The following JAK1 variants were observed in gnomAD, a reference collection of about 807,000 sequenced individuals.
JAK1 encodes the protein Janus kinase 1.
In JAK1, 16 loss-of-function variants were observed where a neutral mutation model predicts 136.6. The observed-to-expected ratio is 0.12, with a 90% confidence interval of 0.08 to 0.18. The LOEUF is 0.18. Among genes scored for constraint, JAK1 ranks in the 10% least tolerant of loss-of-function variants. JAK1 has a pLI of 1.00. For missense variants in JAK1, 859 were observed against 1,450.1 expected, an observed-to-expected ratio of 0.59 and a Z score of 6.62; for synonymous variants, 492 against 519.5, an observed-to-expected ratio of 0.95 and a Z score of 0.72.
intron 1 of JAK1, among the ~76,000 whole-genome samples, chr1:65,065,960 C>T (rs914281256): frequency 6.6e-6 from 1 of 151,716 alleles, no homozygotes; most frequent in African/African-American, 2.4e-5. Context: ...AATCCCAAAA[C>T]ATCTGCAGAT....
At chr1:65,011,434 A>G (rs1437596996) in intron 2 of JAK1, among the ~76,000 whole-genome samples, 1 of 152,146 alleles carries the variant, frequency 6.6e-6, no homozygotes, top group Non-Finnish European at 1.5e-5. Context: ...TGGGTGGCAG[A>G]GCAACACCCT....
intron 2 of JAK1, among the ~76,000 whole-genome samples, chr1:65,013,636 T>C (rs186381947): frequency 3.2e-4 from 48 of 152,300 alleles, no homozygotes; most frequent in Non-Finnish European, 5.3e-4. Context: ...TTTGGTGCCA[T>C]ATTGATGACG....
intron 13 of JAK1, 141 bp from the exon 14 acceptor site, chr1:64,846,877 G>A: frequency 3.1e-6 from 2 of 647,366 alleles, no homozygotes; most frequent in Non-Finnish European, 5.5e-6. Flanking sequence ...CAATCCTCTG[G>A]CCTTGGCTGT....
At chr1:64,881,199 T>A (rs1464759455) in intron 3 of JAK1, among the ~76,000 whole-genome samples, 2 of 151,558 alleles carry the variant, frequency 1.3e-5, no homozygotes, top group African/African-American at 4.8e-5. Flanking sequence ...GAGGTCACAG[T>A]TATAGTGAGC....
At chr1:64,986,120 T>C in intron 2 of JAK1, 1 of 794,142 alleles carries the variant, frequency 1.3e-6, no homozygotes, top group Non-Finnish European at 2.0e-6. Context: ...TTTTTTTTTT[T>C]TTTGGACAGA....
At chr1:64,973,187 A>AAAG (rs1646467269) in intron 2 of JAK1, 1 of 147,174 alleles carries the variant, frequency 6.8e-6, no homozygotes, top group Non-Finnish European at 1.5e-5. Flanking sequence ...GAAAGAAAGA[A>AAAG]AAAGAAAGAA....
At chr1:64,905,719 T>A (rs138445348) in intron 1 of JAK1, among the ~76,000 whole-genome samples, 1 of 152,246 alleles carries the variant, frequency 6.6e-6, no homozygotes, top group African/African-American at 2.4e-5. Context: ...GATTTATCCA[T>A]GTAACCTCCC....
chr1:64,892,480 T>C (rs1413365728), intron 1 of JAK1, among the ~76,000 whole-genome samples: 2 of 152,086 alleles, frequency 1.3e-5, no homozygotes, highest in Non-Finnish European at 2.9e-5. Flanking sequence ...GAAAGGGGTC[T>C]CACTATGGTG....
chr1:64,941,767 T>C (rs1480792256), intron 1 of JAK1, among the ~76,000 whole-genome samples: 2 of 152,206 alleles, frequency 1.3e-5, no homozygotes, highest in Non-Finnish European at 2.9e-5. Flanking sequence ...TACTTGACTC[T>C]CTAAGTTTAG....
intron 1 of JAK1, among the ~76,000 whole-genome samples, chr1:64,940,092 A>G (rs145522789): frequency 6.6e-6 from 1 of 152,320 alleles, no homozygotes; most frequent in African/African-American, 2.4e-5. Context: ...ATCCTATGAG[A>G]GCAGGCACTA....
intron 22 of JAK1, among the ~76,000 whole-genome samples, chr1:64,837,116 T>C (rs890714105): frequency 1.7e-4 from 26 of 152,190 alleles, no homozygotes; most frequent in African/African-American, 6.0e-4. Flanking sequence ...ACTCACGACT[T>C]CCAGAAAACC....
At chr1:64,849,189 C>A (rs768297634) in intron 12 of JAK1, among the ~76,000 whole-genome samples, 2 of 151,416 alleles carry the variant, frequency 1.3e-5, no homozygotes, top group Non-Finnish European at 2.9e-5. Flanking sequence ...CAGGAGGAGA[C>A]CCTGATTTTT....
At chr1:64,910,957 TC>T (rs1645274969) in intron 1 of JAK1, among the ~76,000 whole-genome samples, 1 of 152,016 alleles carries the variant, frequency 6.6e-6, no homozygotes, top group Non-Finnish European at 1.5e-5. Flanking sequence ...CAAAGCCATT[TC>T]CCGCTGGGGT....
chr1:64,916,030 G>C lies in JAK1; in HGVS notation c.-77-29689C>G, dbSNP rs536582251. Among the ~76,000 whole-genome samples, 10 of 152,304 alleles carry C rather than the reference G, an allele frequency of 6.6e-5. No homozygotes were observed. In the South Asian group the frequency reaches 2.1e-3, roughly 32 times the overall value. ...GGACTGACCTAAAGACACAGAGGCT[G>C]GGAGTTCCCCAATGAATGGCTCACT... On this transcript the variant is annotated intron_variant, in intron 1 of 24. Coordinates refer to ENST00000342505, the MANE Select transcript of JAK1 (RefSeq NM_002227.4).
chr1:65,067,153 C>CCGCT (rs1648090894), intron 1 of JAK1, among the ~76,000 whole-genome samples: 1 of 151,550 alleles, frequency 6.6e-6, no homozygotes, highest in Non-Finnish European at 1.5e-5. Flanking sequence ...CCCGGCCCGC[C>CCGCT]CCGCGCCGCC....
intron 1 of JAK1, among the ~76,000 whole-genome samples, chr1:64,941,056 T>C (rs1040117983): frequency 2.0e-5 from 3 of 152,176 alleles, no homozygotes; most frequent in Admixed American, 6.5e-5. Context: ...CCCAGCTACT[T>C]GGAAGGCTGA....
chr1:64,988,739 A>G (rs1646623316), intron 2 of JAK1, among the ~76,000 whole-genome samples: 1 of 151,412 alleles, frequency 6.6e-6, no homozygotes, highest in African/African-American at 2.4e-5. Context: ...AAAAATAAAA[A>G]TCAGCCAGGC....
chr1:65,012,181 G>C (rs530932107), intron 2 of JAK1, among the ~76,000 whole-genome samples: 43 of 152,280 alleles, frequency 2.8e-4, no homozygotes, highest in Non-Finnish European at 5.1e-4. Context: ...CAGAAGCTGT[G>C]GCAGAGACTC....
In JAK1 at chr1:64,869,957, A is replaced by G. The variant is rs143732508; in HGVS notation, c.484-483T>C. 4.8e-3 allele frequency among the ~76,000 whole-genome samples: 738 copies of G among 152,276 alleles called. 1 individual carries two copies. The highest frequency in any genetic ancestry group is 9.8e-3 in the Admixed American group (150 of 15,294). On this transcript the variant is annotated intron_variant, in intron 5 of 24. Coordinates refer to ENST00000342505, the MANE Select transcript of JAK1 (RefSeq NM_002227.4). ...ACGTTCCGCAGTGCATCATCACCAC[A>G]TGTACATTTTCCCACATCTACCGTT...
Sources: allele counts gnomAD v4.1 joint callset (sites outside exome capture counted in the v4.1 genomes callset), GRCh38; gene constraint gnomAD v4.1.1; transcripts MANE v1.5; gene names NCBI Gene and HGNC (gene_info 2026-07-23, HGNC 2026-07-21).